RUNX1: variants seen among roughly 807,000 people sequenced by gnomAD.
The protein encoded by RUNX1 is RUNX family transcription factor 1.
Under a neutral mutation model 42.8 loss-of-function variants are expected in RUNX1, and 19 were observed. The ratio of observed to expected loss-of-function variants is 0.44; its 90% CI spans 0.31 to 0.65. The LOEUF is 0.65. Ranked by LOEUF, RUNX1 falls within the 30% of genes least tolerant of loss-of-function variation. The pLI is 0.07. For synonymous variants in RUNX1, 271 were observed against 289.4 expected (o/e 0.94, Z 0.64); for missense variants, 528 against 672.0 (o/e 0.79, Z 2.37).
intron 2 of RUNX1, among the ~76,000 whole-genome samples, chr21:34,992,521 G>A (rs2058952233): frequency 6.6e-6 from 1 of 151,990 alleles, no homozygotes; most frequent in African/African-American, 2.4e-5. Context: ...CCCAGTCTCT[G>A]TCTCCATGGA....
intron 7 of RUNX1, among the ~76,000 whole-genome samples, chr21:34,804,601 A>C (rs1198822778): frequency 6.6e-6 from 1 of 152,246 alleles, no homozygotes; most frequent in African/African-American, 2.4e-5. Context: ...TAAAGCAAGC[A>C]TCAGAACCAG....
intron 2 of RUNX1, among the ~76,000 whole-genome samples, chr21:34,912,051 CAGAG>C (rs1420383115): frequency 1.3e-5 from 2 of 151,616 alleles, no homozygotes; most frequent in Non-Finnish European, 2.9e-5. Flanking sequence ...CTCCAAGTGA[CAGAG>C]GGAGTGGATG....
intron 2 of RUNX1, among the ~76,000 whole-genome samples, chr21:35,032,601 T>C (rs2146975570): frequency 6.6e-6 from 1 of 152,354 alleles, no homozygotes; most frequent in Non-Finnish European, 1.5e-5. Context: ...AATCAGCTCA[T>C]GGGCAGTAAG....
chr21:34,834,075 A>T, intron 7 of RUNX1: 1 of 510,514 alleles, frequency 2.0e-6, no homozygotes, highest in Non-Finnish European at 3.7e-6. Flanking sequence ...TAGGTAAAAA[A>T]ATAGCATAGC....
At chr21:34,904,171 T>C (rs979319747) in intron 2 of RUNX1, among the ~76,000 whole-genome samples, 1 of 152,158 alleles carries the variant, frequency 6.6e-6, no homozygotes, top group Non-Finnish European at 1.5e-5. Context: ...TTGGACTTGC[T>C]TAGAAAAATA....
intron 2 of RUNX1, among the ~76,000 whole-genome samples, chr21:34,942,015 A>AG (rs2058530890): frequency 6.6e-6 from 1 of 152,192 alleles, no homozygotes; most frequent in African/African-American, 2.4e-5. Context: ...GAAACAATGA[A>AG]GAAAAAGTAC....
At chr21:34,874,167 C>A (rs963687086) in intron 5 of RUNX1, among the ~76,000 whole-genome samples, 7 of 152,104 alleles carry the variant, frequency 4.6e-5, no homozygotes, top group African/African-American at 1.7e-4. Flanking sequence ...CACGCACACA[C>A]ACACGCACAC....
chr21:34,938,241 T>C (rs546614119), intron 2 of RUNX1, among the ~76,000 whole-genome samples: 1 of 152,308 alleles, frequency 6.6e-6, no homozygotes, highest in East Asian at 1.9e-4. Flanking sequence ...AGAAGTAAAA[T>C]TGTTCTGCTT....
At chr21:35,016,746 T>A (rs1270000957) in intron 2 of RUNX1, among the ~76,000 whole-genome samples, 1 of 152,130 alleles carries the variant, frequency 6.6e-6, no homozygotes, top group Non-Finnish European at 1.5e-5. Flanking sequence ...TGGGGACCTC[T>A]TAGCACTTGC....
At chr21:35,027,405 G>A (rs2059245417) in intron 2 of RUNX1, among the ~76,000 whole-genome samples, 1 of 152,254 alleles carries the variant, frequency 6.6e-6, no homozygotes, top group Non-Finnish European at 1.5e-5. Flanking sequence ...CCAGGTGGTA[G>A]TGATGCTGCC....
chr21:34,887,827 T>A, intron 3 of RUNX1: 1 of 1,064,610 alleles, frequency 9.4e-7, no homozygotes, highest in Non-Finnish European at 1.1e-6. Context: ...TCAGCTTCAG[T>A]AGTTGGAGCA....
intron 2 of RUNX1, among the ~76,000 whole-genome samples, chr21:34,947,320 G>A (rs1321475458): frequency 2.6e-5 from 4 of 152,018 alleles, no homozygotes; most frequent in Non-Finnish European, 5.9e-5. Context: ...AATGAAACAC[G>A]TGTGCCATAT....
At chr21:35,035,194 T>C (rs1222482533) in intron 2 of RUNX1, among the ~76,000 whole-genome samples, 1 of 152,242 alleles carries the variant, frequency 6.6e-6, no homozygotes, top group Non-Finnish European at 1.5e-5. Context: ...TTCTATGTAT[T>C]TCTGATTCAG....
chr21:34,908,455 T>G (rs1461470182), intron 2 of RUNX1, among the ~76,000 whole-genome samples: 1 of 152,174 alleles, frequency 6.6e-6, no homozygotes, highest in Non-Finnish European at 1.5e-5. Context: ...AAACATAGTC[T>G]TGGATGATAC....
rs1471660620 is a variant in RUNX1, at chr21:35,026,353, T to C, written c.58+22489A>G. On this transcript the variant is annotated intron_variant, in intron 2 of 8. Transcript: ENST00000675419. ...AGGCAAATGGGGAAAGAGGCTTTAA[T>C]ACCCCTCAAAAGGGGAAGATTGATA... Among the ~76,000 whole-genome samples, 4 of 152,254 alleles carry C rather than the reference T, an allele frequency of 2.6e-5. No individual in the cohort carries two copies. In the East Asian group the frequency reaches 7.7e-4, roughly 29 times the overall value.
rs184325375 is a variant in RUNX1 at position 34,827,833 on chromosome 21, C to A, written c.805+6577G>T. On this transcript the variant is annotated intron_variant, in intron 7 of 8. Transcript: ENST00000675419. ...CAGAATACATGCTGTGGAAGCATGG[C>A]TTCCTCCACCTAGATTACGAAGGAT... Among the ~76,000 whole-genome samples, 14 of 152,352 alleles carry A rather than the reference C, an allele frequency of 9.2e-5. No homozygotes were observed. The East Asian group carries it at 2.7e-3, about 29-fold the overall frequency.
intron 2 of RUNX1, among the ~76,000 whole-genome samples, chr21:34,957,184 C>T (rs1255105415): frequency 1.3e-5 from 2 of 152,166 alleles, no homozygotes; most frequent in East Asian, 1.9e-4. Flanking sequence ...TGGCCGACAT[C>T]GTGGGTGTGT....
intron 2 of RUNX1, among the ~76,000 whole-genome samples, chr21:34,938,126 C>G (rs2058500259): frequency 6.6e-6 from 1 of 152,134 alleles, no homozygotes; most frequent in Non-Finnish European, 1.5e-5. Context: ...AATATCCACA[C>G]AGTGAAAAGC....
chr21:35,000,382 A>C (rs997089348), intron 2 of RUNX1, among the ~76,000 whole-genome samples: 1 of 151,656 alleles, frequency 6.6e-6, no homozygotes, highest in Non-Finnish European at 1.5e-5. Context: ...CTGGGACTAC[A>C]GGCACCCACC....
Sources: gnomAD v4.1 joint callset for allele counts (sites outside exome capture counted in the v4.1 genomes callset) on GRCh38, gnomAD v4.1.1 for gene constraint, MANE v1.5 for transcripts, NCBI Gene and HGNC (gene_info 2026-07-23, HGNC 2026-07-21) for gene names.